Variants in HCRTR2 observed in about 807,000 individuals in gnomAD.
The protein encoded by HCRTR2 is hypocretin receptor 2, also known as orexin receptor type 2.
HCRTR2 carries 22 observed loss-of-function variants against 49.0 expected under a neutral mutation model. That is an observed-to-expected ratio of 0.45 (90% CI 0.32 to 0.64). The LOEUF is 0.64. HCRTR2 is among the 30% of genes least tolerant of loss of function. The probability of loss-of-function intolerance (pLI) is 0.04; values close to 1 mark genes in which losing one functional copy is unlikely to be tolerated. For missense variants in HCRTR2, 491 were observed against 559.4 expected (o/e 0.88, Z 1.23); for synonymous variants, 236 against 205.3 (o/e 1.15, Z -1.28).
At chr6:55,279,847 G>A (rs1036629881) in intron 5 of HCRTR2, among the ~76,000 whole-genome samples, 1 of 151,960 alleles carries the variant, frequency 6.6e-6, no homozygotes, top group East Asian at 1.9e-4. Context: ...AGTCCCAGAA[G>A]GCAAGTTTCA....
At chr6:55,240,707 C>A in intron 1 of HCRTR2, 3 of 342,194 alleles carry the variant, frequency 8.8e-6, no homozygotes, top group South Asian at 2.3e-5. Context: ...TTTGTTTTAC[C>A]TTTTTAAGAT....
intron 1 of HCRTR2, among the ~76,000 whole-genome samples, chr6:55,122,671 T>G (rs1207237252): frequency 6.6e-6 from 1 of 152,098 alleles, no homozygotes; most frequent in African/African-American, 2.4e-5. Context: ...TGCACACATA[T>G]GTTTATTGTG....
At chr6:55,136,227 A>G (rs1317470624) in intron 1 of HCRTR2, among the ~76,000 whole-genome samples, 1 of 152,192 alleles carries the variant, frequency 6.6e-6, no homozygotes, top group Non-Finnish European at 1.5e-5. Flanking sequence ...TACTTAAATG[A>G]AAAATATATA....
At chr6:55,143,130 T>TTTTTTTTTTTTTTTTTTTTTTTGAG (rs1554167809) in intron 1 of HCRTR2, among the ~76,000 whole-genome samples, 3 of 149,768 alleles carry the variant, frequency 2.0e-5, no homozygotes, top group African/African-American at 5.0e-5. Context: ...AAATATTTTT[T>TTTTTTTTTTTTTTTTTTTTTTTGAG]AAGTTAATAG....
chr6:55,133,965 T>C (rs1764398512), intron 1 of HCRTR2, among the ~76,000 whole-genome samples: 1 of 151,926 alleles, frequency 6.6e-6, no homozygotes, highest in South Asian at 2.1e-4. Flanking sequence ...ATTTATCATT[T>C]AGTTAACTGG....
intron 3 of HCRTR2, among the ~76,000 whole-genome samples, chr6:55,262,653 G>A (rs1766787892): frequency 7.4e-6 from 1 of 135,554 alleles, no homozygotes; most frequent in Admixed American, 8.0e-5. Context: ...AATATATAAT[G>A]ATTATATATT....
At chr6:55,273,087 A>G (rs1219156233) in intron 4 of HCRTR2, among the ~76,000 whole-genome samples, 2 of 152,028 alleles carry the variant, frequency 1.3e-5, no homozygotes, top group African/African-American at 4.8e-5. Context: ...TAGCATGCAA[A>G]TCTTATCAGA....
chr6:55,221,913 A>G (rs1037672727), intron 1 of HCRTR2, among the ~76,000 whole-genome samples: 1 of 152,190 alleles, frequency 6.6e-6, no homozygotes, highest in East Asian at 1.9e-4. Context: ...CTTGTATACG[A>G]CACCAAAGAA....
chr6:55,171,268 G>T (rs148315838), upstream of HCRTR2, among the ~76,000 whole-genome samples: 149 of 152,122 alleles, frequency 9.8e-4, 1 homozygote, highest in African/African-American at 3.3e-3. Context: ...TTTAATGATC[G>T]CCATTCTAAC....
chr6:55,247,519 T>A (rs1278785956), intron 1 of HCRTR2, among the ~76,000 whole-genome samples: 1 of 152,140 alleles, frequency 6.6e-6, no homozygotes, highest in African/African-American at 2.4e-5. Context: ...CCTGCATTAT[T>A]TGGGTGCATG....
chr6:55,237,629 G>C (rs1226446790), intron 1 of HCRTR2, among the ~76,000 whole-genome samples: 1 of 152,186 alleles, frequency 6.6e-6, no homozygotes, highest in Non-Finnish European at 1.5e-5. Flanking sequence ...CTAAATGCCA[G>C]AGCATCTCCC....
chr6:55,228,974 G>A (rs1766062599), intron 1 of HCRTR2, among the ~76,000 whole-genome samples: 1 of 151,998 alleles, frequency 6.6e-6, no homozygotes, highest in South Asian at 2.1e-4. Flanking sequence ...ACTAAGTAGG[G>A]TTGCTTCACT....
At chr6:55,121,681 A>C (rs1032232659) in intron 1 of HCRTR2, among the ~76,000 whole-genome samples, 10 of 152,070 alleles carry the variant, frequency 6.6e-5, no homozygotes, top group Non-Finnish European at 1.5e-4. Context: ...AGGCTGTTGA[A>C]TTTTGTCAAA....
intron 2 of HCRTR2, among the ~76,000 whole-genome samples, chr6:55,251,809 G>T (rs1224688559): frequency 6.6e-6 from 1 of 151,940 alleles, no homozygotes; most frequent in Admixed American, 6.6e-5. Flanking sequence ...TGCGAAGGGT[G>T]CCCATAGTAT....
intron 1 of HCRTR2, among the ~76,000 whole-genome samples, chr6:55,138,747 T>C (rs552004097): frequency 7.2e-5 from 11 of 152,348 alleles, no homozygotes; most frequent in Admixed American, 3.3e-4. Context: ...GGCACACTTA[T>C]TCAAATATTT....
At chr6:55,278,786 AT>A (rs1767131428) in intron 5 of HCRTR2, among the ~76,000 whole-genome samples, 1 of 150,932 alleles carries the variant, frequency 6.6e-6, no homozygotes, top group African/African-American at 2.4e-5. Context: ...ATACAAATTT[AT>A]TATGGCCACC....
chr6:55,254,106 T>G (rs1766604552), intron 2 of HCRTR2, among the ~76,000 whole-genome samples: 1 of 152,026 alleles, frequency 6.6e-6, no homozygotes, highest in Non-Finnish European at 1.5e-5. Flanking sequence ...GACACAGTTG[T>G]GAAAAAAACA....
At chr6:55,212,802 A>G (rs560641556) in intron 1 of HCRTR2, among the ~76,000 whole-genome samples, 1 of 152,320 alleles carries the variant, frequency 6.6e-6, no homozygotes, top group South Asian at 2.1e-4. Context: ...CAAACATATC[A>G]TAAGTGATTA....
intron 1 of HCRTR2, among the ~76,000 whole-genome samples, chr6:55,167,042 T>C (rs1764887583): frequency 2.0e-5 from 3 of 152,056 alleles, no homozygotes. Flanking sequence ...GGAAAATCAG[T>C]AGTTATGAGG....
Sources: allele counts gnomAD v4.1 joint callset (sites outside exome capture counted in the v4.1 genomes callset), GRCh38; gene constraint gnomAD v4.1.1; transcripts MANE v1.5; gene names NCBI Gene and HGNC (gene_info 2026-07-23, HGNC 2026-07-21).